GNA12: variants seen among roughly 807,000 people sequenced by gnomAD.
GNA12 encodes guanine nucleotide-binding protein subunit alpha-12.
GNA12 carries 9 observed loss-of-function variants against 26.0 expected under a neutral mutation model. The ratio of observed to expected loss-of-function variants is 0.35; its 90% CI spans 0.21 to 0.60. The LOEUF (loss-of-function observed/expected upper bound fraction) is 0.60. GNA12 is among the 20% of genes least tolerant of loss of function. The pLI is 0.78. For missense variants in GNA12, 405 were observed against 525.8 expected (o/e 0.77, Z 2.25); for synonymous variants, 264 against 219.6 (o/e 1.20, Z -1.79).
chr7:2,817,065 A>C (rs1793234251), intron 1 of GNA12, among the ~76,000 whole-genome samples: 1 of 152,058 alleles, frequency 6.6e-6, no homozygotes, highest in African/African-American at 2.4e-5. Flanking sequence ...TCAACTCTCT[A>C]CTTAAACTTT....
intron 2 of GNA12, among the ~76,000 whole-genome samples, chr7:2,755,866 G>A: frequency 6.6e-6 from 1 of 152,192 alleles, no homozygotes; most frequent in East Asian, 1.9e-4. Flanking sequence ...TCATGAAATG[G>A]AAGATTCAAC....
intron 1 of GNA12, among the ~76,000 whole-genome samples, chr7:2,809,833 AT>A (rs1583299508): frequency 6.6e-6 from 1 of 152,252 alleles, no homozygotes; most frequent in African/African-American, 2.4e-5. Flanking sequence ...TTAGTAATAA[AT>A]TCATAGTAAA....
intron 2 of GNA12, among the ~76,000 whole-genome samples, chr7:2,741,165 T>G (rs572097286): frequency 1.8e-4 from 28 of 152,350 alleles, no homozygotes; most frequent in African/African-American, 6.7e-4. Context: ...TTTTACAGTA[T>G]GTTTTAAGGT....
At chr7:2,789,795 C>A (rs1015667302) in intron 2 of GNA12, among the ~76,000 whole-genome samples, 1 of 152,182 alleles carries the variant, frequency 6.6e-6, no homozygotes, top group African/African-American at 2.4e-5. Context: ...GTGTGTGAGG[C>A]CTCATTCTGC....
At chr7:2,788,626 T>C (rs991501091) in intron 2 of GNA12, among the ~76,000 whole-genome samples, 5 of 152,202 alleles carry the variant, frequency 3.3e-5, no homozygotes, top group African/African-American at 1.2e-4. Flanking sequence ...CAGGCCATGT[T>C]TGGAGGAAAG....
chr7:2,797,946 C>T (rs1172861343), intron 1 of GNA12, among the ~76,000 whole-genome samples: 1 of 152,176 alleles, frequency 6.6e-6, no homozygotes, highest in Non-Finnish European at 1.5e-5. Flanking sequence ...TTACCACCCA[C>T]TCATGATTTT....
intron 1 of GNA12, among the ~76,000 whole-genome samples, chr7:2,805,993 A>G (rs1488080251): frequency 1.3e-5 from 2 of 152,248 alleles, no homozygotes; most frequent in Non-Finnish European, 2.9e-5. Flanking sequence ...TTTTGTTTAT[A>G]CTGATTACAT....
rs182308782 is a variant in GNA12, at chr7:2,744,386, G to A, written c.526-10885C>T. Among the ~76,000 whole-genome samples the A allele has an allele frequency of 3.4e-3, 512 of 152,294 alleles. 3 individuals are homozygous for A. The highest frequency in any genetic ancestry group is 0.012 in the African/African-American group (486 of 41,554). ...CAATATCCGCTGTTCTGCAGCCACC[G>A]CTGCTGATACCCAAGCAAACAGGGT... On this transcript the variant is annotated intron_variant, in intron 2 of 3. Coordinates refer to ENST00000275364, the MANE Select transcript of GNA12 (RefSeq NM_007353.3).
chr7:2,769,843 C>A (rs1171749500), intron 2 of GNA12, among the ~76,000 whole-genome samples: 1 of 152,182 alleles, frequency 6.6e-6, no homozygotes, highest in Admixed American at 6.6e-5. Flanking sequence ...ATACCCACTT[C>A]TTTATACCCT....
At chr7:2,799,084 TC>T (rs1276447084) in intron 1 of GNA12, among the ~76,000 whole-genome samples, 1 of 152,172 alleles carries the variant, frequency 6.6e-6, no homozygotes, top group African/African-American at 2.4e-5. Flanking sequence ...TGCTCAAAGT[TC>T]TTAGATGTGA....
At chr7:2,744,014 C>T (rs1159255435) in intron 2 of GNA12, among the ~76,000 whole-genome samples, 1 of 152,244 alleles carries the variant, frequency 6.6e-6, no homozygotes, top group African/African-American at 2.4e-5. Flanking sequence ...GTAAACAAAG[C>T]AGCCGGGAAG....
chr7:2,779,014 C>T (rs1288886100), intron 2 of GNA12, among the ~76,000 whole-genome samples: 1 of 151,948 alleles, frequency 6.6e-6, no homozygotes, highest in Non-Finnish European at 1.5e-5. Flanking sequence ...TATGGGAGGC[C>T]GAGGCAAGAA....
chr7:2,790,266 G>C (rs762386455), intron 2 of GNA12, among the ~76,000 whole-genome samples: 1 of 151,938 alleles, frequency 6.6e-6, no homozygotes, highest in Admixed American at 6.6e-5. Context: ...CATATTTTTT[G>C]AGACAGGGTC....
intron 2 of GNA12, among the ~76,000 whole-genome samples, chr7:2,743,937 G>C (rs1234818559): frequency 2.0e-5 from 3 of 152,112 alleles, no homozygotes; most frequent in Admixed American, 6.6e-5. Flanking sequence ...ACAGCAGTCT[G>C]AGATCAAACT....
At chr7:2,746,757 C>A (rs567079990) in intron 2 of GNA12, among the ~76,000 whole-genome samples, 1 of 151,344 alleles carries the variant, frequency 6.6e-6, no homozygotes, top group Non-Finnish European at 1.5e-5. Flanking sequence ...ATCAACAAAA[C>A]TGATAGACCG....
At chr7:2,793,413 T>C (rs1792570889) in intron 2 of GNA12, among the ~76,000 whole-genome samples, 1 of 152,184 alleles carries the variant, frequency 6.6e-6, no homozygotes, top group Non-Finnish European at 1.5e-5. Context: ...GATGCTTTCA[T>C]ACCGATGTCA....
chr7:2,793,710 C>T (rs1420716775), intron 2 of GNA12, among the ~76,000 whole-genome samples: 1 of 151,762 alleles, frequency 6.6e-6, no homozygotes, highest in Non-Finnish European at 1.5e-5. Flanking sequence ...TGGTAAAACT[C>T]CATCTCCACT....
intron 2 of GNA12, among the ~76,000 whole-genome samples, chr7:2,756,455 AT>A (rs1416898324): frequency 6.6e-6 from 1 of 152,118 alleles, no homozygotes; most frequent in Admixed American, 6.5e-5. Flanking sequence ...TCTGCAAAAA[AT>A]TTTTAAAAAT....
At chr7:2,820,108 C>G (rs747570607) in intron 1 of GNA12, among the ~76,000 whole-genome samples, 2 of 152,214 alleles carry the variant, frequency 1.3e-5, no homozygotes, top group East Asian at 3.9e-4. Flanking sequence ...AGAAGTCCGT[C>G]GCAGAAGACA....
Sources: allele counts gnomAD v4.1 joint callset (sites outside exome capture counted in the v4.1 genomes callset), GRCh38; gene constraint gnomAD v4.1.1; transcripts MANE v1.5; gene names NCBI Gene and HGNC (gene_info 2026-07-23, HGNC 2026-07-21).